The following MACF1 variants were observed in gnomAD, a reference collection of about 807,000 sequenced individuals.
MACF1 encodes microtubule actin crosslinking factor 1, also known as microtubule-actin cross-linking factor 1.
A neutral mutation model predicts 854.8 loss-of-function variants in MACF1; 193 were observed. The observed-to-expected ratio is 0.23, with a 90% confidence interval of 0.20 to 0.25. The LOEUF (loss-of-function observed/expected upper bound fraction) is 0.25. Ranked by LOEUF, MACF1 falls within the 10% of genes least tolerant of loss-of-function variation. The pLI, the probability that MACF1 is intolerant of heterozygous loss-of-function variation, is 1.00. For missense variants in MACF1, 7,722 were observed against 8,929.1 expected, an observed-to-expected ratio of 0.86 and a Z score of 5.45; for synonymous variants, 3,185 against 3,226.7, an observed-to-expected ratio of 0.99 and a Z score of 0.44.
chr1:39,412,591 G>T (rs1643066521), intron 58 of MACF1: 1 of 1,613,894 alleles, frequency 6.2e-7, no homozygotes, highest in Non-Finnish European at 8.5e-7. Flanking sequence ...TAATCCAGAT[G>T]GAGTGGAAAC....
Position 39,086,896 on chromosome 1 carries a change from C to G in MACF1, c.220+2458C>G, listed in dbSNP as rs543729739. Among the ~76,000 whole-genome samples the G allele has an allele frequency of 2.0e-5, 3 of 152,266 alleles. No homozygotes were observed. The East Asian group carries it at 5.8e-4, about 29-fold the overall frequency. ...TGCCTCTTTTGAGGAGGGGGCTGGG[C>G]CAGTGAGGCTGAAAATGGGGAGACT... is the stretch of plus-strand genomic sequence containing the variant. On this transcript the variant is annotated intron_variant, in intron 2 of 93. Transcript: ENST00000361689.
chr1:39,451,018 C>A (rs1438740693), intron 84 of MACF1, 34 bp from the exon 85 acceptor site: 11 of 1,602,752 alleles, frequency 6.9e-6, no homozygotes, highest in Non-Finnish European at 9.4e-6. Context: ...AAAAGGAATC[C>A]CTAAAAATGG....
At chr1:39,361,756 C>A in intron 49 of MACF1, 79 bp downstream of exon 49, 1 of 1,355,064 alleles carries the variant, frequency 7.4e-7, no homozygotes, top group South Asian at 1.3e-5. Flanking sequence ...TGAGCGCATA[C>A]TACATCAGTC....
chr1:39,156,692 A>C (rs1643694439), intron 2 of MACF1, among the ~76,000 whole-genome samples: 1 of 152,196 alleles, frequency 6.6e-6, no homozygotes, highest in Admixed American at 6.5e-5. Context: ...ATAGACTCTG[A>C]AATCCTGGGA....
At chr1:39,346,011 A>G (rs1170902915) in intron 40 of MACF1, among the ~76,000 whole-genome samples, 6 of 149,804 alleles carry the variant, frequency 4.0e-5, no homozygotes, top group African/African-American at 1.5e-4. Context: ...AGAGGTTGCA[A>G]TGAGCCGAGA....
At chr1:39,414,415 A>G in intron 58 of MACF1, 1 of 1,614,030 alleles carries the variant, frequency 6.2e-7, no homozygotes, top group South Asian at 1.1e-5. Context: ...AAAAGAGGTG[A>G]CCAGCACAGT....
chr1:39,392,626 A>G lies in MACF1; in HGVS notation c.15816+3968A>G, dbSNP rs78480346. ...TAACCCAGCTAACTCCATGGGAGCT[A>G]GAATAGACAGATGAGTTAGGCCTGT... On this transcript the variant is annotated intron_variant, in intron 58 of 100. Transcript: ENST00000564288. Among the ~76,000 whole-genome samples, 746 of 152,316 alleles carry G rather than the reference A, an allele frequency of 4.9e-3. 5 individuals are homozygous for G. Among genetic ancestry groups the G allele is most frequent in the African/African-American group, 0.017 (720 of 41,566 alleles).
chr1:39,326,693 A>T (rs1048836557), intron 35 of MACF1, among the ~76,000 whole-genome samples: 13 of 151,604 alleles, frequency 8.6e-5, no homozygotes, highest in South Asian at 2.1e-4. Context: ...AAAAAAAAAA[A>T]AAAAAAAAGA....
intron 57 of MACF1, among the ~76,000 whole-genome samples, chr1:39,386,934 G>A (rs910140072): frequency 5.3e-5 from 8 of 152,154 alleles, no homozygotes; most frequent in African/African-American, 1.9e-4. Context: ...TATTTTTCTG[G>A]AACTGTTTAT....
At chr1:39,359,805 C>G (rs111917059) in intron 47 of MACF1, among the ~76,000 whole-genome samples, 8,296 of 150,058 alleles carry the variant, frequency 0.055, 295 homozygotes, top group African/African-American at 0.098. Context: ...CCCGTCTCTA[C>G]TAAAAATACA....
At chr1:39,396,842 C>T (rs1015078815) in intron 58 of MACF1, among the ~76,000 whole-genome samples, 1 of 152,214 alleles carries the variant, frequency 6.6e-6, no homozygotes, top group African/African-American at 2.4e-5. Flanking sequence ...ATGGATTCTT[C>T]ACAAGTCTCA....
intron 2 of MACF1, among the ~76,000 whole-genome samples, chr1:39,114,056 G>A (rs1233759736): frequency 1.3e-5 from 2 of 149,884 alleles, no homozygotes; most frequent in Admixed American, 6.6e-5. Context: ...AGGTCCCATC[G>A]TTGCTCACTC....
At chr1:39,295,748 A>T in intron 19 of MACF1, 39 bp from the exon 20 acceptor site, 1 of 1,491,456 alleles carries the variant, frequency 6.7e-7, no homozygotes, top group Non-Finnish European at 9.3e-7. Context: ...TGAGTCTGTT[A>T]AACTCAAGCC....
chr1:39,270,004 T>C (rs190770002), intron 6 of MACF1, among the ~76,000 whole-genome samples: 3 of 152,320 alleles, frequency 2.0e-5, no homozygotes, highest in Admixed American at 2.0e-4. Context: ...CAATGCTAGA[T>C]AGTACTTACT....
At chr1:39,185,030 G>A (rs143670455) in intron 2 of MACF1, among the ~76,000 whole-genome samples, 6 of 152,302 alleles carry the variant, frequency 3.9e-5, no homozygotes, top group East Asian at 3.9e-4. Context: ...GGTGGCACAC[G>A]CCTGTAATCC....
rs775008264 is a variant in MACF1 at position 39,334,464 on chromosome 1, A to G, written c.7876A>G (p.Ile2626Val). The G allele has an allele frequency of 1.9e-6, 3 of 1,614,144 alleles. No homozygotes were observed. The highest frequency in any genetic ancestry group is 2.2e-5 in the East Asian group (1 of 44,876). ...CATTGTAGATCCCGAGAACTGCAGA[A>G]TTGTCCCCTACTCAGAATTAGTCAA... ...HGIVDPENCR[I>V]VPYSELVKKC... The change falls in exon 37 of 101, where the codon ATT becomes GTT. Residue 2626 changes from isoleucine to valine, a missense_variant. By Grantham distance (29) the Ile-to-Val change is conservative (BLOSUM62 3). Transcript: ENST00000564288.
At chr1:39,085,335 T>C (rs915466329) in intron 2 of MACF1, among the ~76,000 whole-genome samples, 10 of 152,198 alleles carry the variant, frequency 6.6e-5, no homozygotes, top group African/African-American at 2.2e-4. Flanking sequence ...CCCTGAAGTG[T>C]GCTCAGCATC....
intron 86 of MACF1, 75 bp from the exon 87 acceptor site, chr1:39,452,609 T>G: frequency 1.3e-6 from 2 of 1,587,148 alleles, no homozygotes; most frequent in South Asian, 1.1e-5. Flanking sequence ...CACTGGACCC[T>G]TTCCCTAGCA....
chr1:39,482,510 T>TTTTG (rs139228213), intron 99 of MACF1, among the ~76,000 whole-genome samples: 85 of 151,892 alleles, frequency 5.6e-4, no homozygotes, highest in African/African-American at 3.1e-4. Context: ...TTGGGGGTTT[T>TTTTG]TTTGTTTGTT....
Sources: allele counts gnomAD v4.1 joint callset (sites outside exome capture counted in the v4.1 genomes callset), GRCh38; gene constraint gnomAD v4.1.1; transcripts MANE v1.5; gene names NCBI Gene and HGNC (gene_info 2026-07-23, HGNC 2026-07-21).